The following RGS7 variants were observed in gnomAD, a reference collection of about 807,000 sequenced individuals.
The protein encoded by RGS7 is regulator of G protein signaling 7.
Under a neutral mutation model 81.1 loss-of-function variants are expected in RGS7, and 27 were observed. The observed-to-expected ratio is 0.33, with a 90% CI of 0.25 to 0.46. The LOEUF is 0.46. Ranked by LOEUF, RGS7 falls within the 20% of genes least tolerant of loss-of-function variation. The pLI is 1.00. For missense variants in RGS7, 396 were observed against 607.4 expected (o/e 0.65, Z 3.66); for synonymous variants, 208 against 207.7 (o/e 1.00, Z -0.01).
At position 241,281,351 on chromosome 1, in the gene RGS7, T is replaced by A. The variant is rs146590208; in HGVS notation, c.78+74348A>T. 7.2e-4 allele frequency among the ~76,000 whole-genome samples: 110 copies of A among 152,364 alleles called. 2 individuals are homozygous for A. In the East Asian group the frequency reaches 0.021, roughly 29 times the overall value. ...CTGTTGCTATTGTGGTGAGCTCAAG[T>A]GTTGTGAGTATCCACTTAAAACGCT... On this transcript the variant is annotated intron_variant, in intron 2 of 18. Transcript: ENST00000440928.
At chr1:241,290,311 A>C (rs1047618551) in intron 2 of RGS7, among the ~76,000 whole-genome samples, 8 of 152,240 alleles carry the variant, frequency 5.3e-5, no homozygotes, top group South Asian at 2.1e-4. Flanking sequence ...GAACGTGTGC[A>C]TATTTCCTTC....
At chr1:240,830,397 T>A (rs1693620257) in intron 9 of RGS7, among the ~76,000 whole-genome samples, 1 of 152,190 alleles carries the variant, frequency 6.6e-6, no homozygotes, top group South Asian at 2.1e-4. Flanking sequence ...TGCAAACCTG[T>A]CTATAGCAGA....
At chr1:240,900,322 T>C (rs1205012366) in intron 6 of RGS7, among the ~76,000 whole-genome samples, 2 of 152,214 alleles carry the variant, frequency 1.3e-5, no homozygotes, top group Non-Finnish European at 2.9e-5. Flanking sequence ...TCCAGCTTTG[T>C]TCCGTTGCTG....
At chr1:241,080,822 T>C (rs746545946) in intron 3 of RGS7, among the ~76,000 whole-genome samples, 5 of 152,228 alleles carry the variant, frequency 3.3e-5, no homozygotes, top group Non-Finnish European at 7.3e-5. Context: ...CTTTTATGTC[T>C]GAAAGCTTCC....
intron 2 of RGS7, among the ~76,000 whole-genome samples, chr1:241,232,173 C>T (rs983467570): frequency 1.3e-5 from 2 of 150,100 alleles, no homozygotes; most frequent in African/African-American, 2.5e-5. Flanking sequence ...TAATTCTGTT[C>T]CATTGTTGTA....
At chr1:241,294,161 G>A (rs1372333001) in intron 2 of RGS7, among the ~76,000 whole-genome samples, 1 of 152,118 alleles carries the variant, frequency 6.6e-6, no homozygotes, top group East Asian at 1.9e-4. Context: ...GAAGCTGGAA[G>A]CCATCATTCT....
At chr1:241,337,871 A>G (rs2082334025) in intron 2 of RGS7, among the ~76,000 whole-genome samples, 2 of 152,330 alleles carry the variant, frequency 1.3e-5, no homozygotes, top group African/African-American at 4.8e-5. Flanking sequence ...ATTTATTTGC[A>G]GGGACATTAA....
At chr1:240,855,329 G>A (rs73116042) in intron 9 of RGS7, among the ~76,000 whole-genome samples, 11,167 of 113,460 alleles carry the variant, frequency 0.098, 3,282 homozygotes, top group African/African-American at 0.37. Flanking sequence ...AAAAAAAAAG[G>A]AGAAACAAAG....
chr1:240,865,249 C>T (rs1005962670), intron 9 of RGS7, among the ~76,000 whole-genome samples: 1 of 152,198 alleles, frequency 6.6e-6, no homozygotes, highest in East Asian at 1.9e-4. Context: ...TCCCACTCTG[C>T]CCCAGGTCTC....
At chr1:240,818,787 G>A (rs542620959) in intron 10 of RGS7, among the ~76,000 whole-genome samples, 6 of 152,108 alleles carry the variant, frequency 3.9e-5, no homozygotes, top group Non-Finnish European at 7.4e-5. Context: ...TGGGATAGGG[G>A]GTGAGGAAAA....
rs1671153634 is a variant in RGS7 at position 240,908,204 on chromosome 1, G to C, written c.385+22513C>G. Among the ~76,000 whole-genome samples, 3 of 127,078 alleles carry C rather than the reference G, an allele frequency of 2.4e-5. No individual in the cohort carries two copies. The Admixed American group carries it at 2.5e-4, about 11-fold the overall frequency. The allele number at this position is 127,078 out of a possible 152,430, so 83.4% of individuals were successfully genotyped here. ...CACACACCGGGGCCTGTCGTGGGGT[G>C]GGGGGAGGGGGGAGGGATAGCATTA... On this transcript the variant is annotated intron_variant, in intron 6 of 18. Coordinates refer to ENST00000440928, the MANE Select transcript of RGS7 (RefSeq NM_001364886.1).
Position 241,112,248 on chromosome 1 carries a change from A to G in RGS7, c.79-13486T>C, listed in dbSNP as rs77497323. Among the ~76,000 whole-genome samples, 286 of 152,200 alleles carry G rather than the reference A, an allele frequency of 1.9e-3. 1 individual carries two copies. Among genetic ancestry groups the G allele is most frequent in the African/African-American group, 6.6e-3 (272 of 41,518 alleles). ...TCAAGAAATGTTACTTAAGTAATTTATTTTTATGGTAACATACTTATAAAA... is the reference window on the plus strand; with the variant it reads ...TCAAGAAATGTTACTTAAGTAATTTGTTTTTATGGTAACATACTTATAAAA... On this transcript the variant is annotated intron_variant, in intron 2 of 18. Transcript: ENST00000440928.
intron 9 of RGS7, among the ~76,000 whole-genome samples, chr1:240,853,879 C>T (rs1181036079): frequency 1.1e-4 from 12 of 106,540 alleles, no homozygotes; most frequent in Non-Finnish European, 1.9e-4. Flanking sequence ...CCAGCCTGGG[C>T]GACAGAGCAA....
rs193054257 is a variant in RGS7, at chr1:241,248,932, G to A, written c.78+106767C>T. Among the ~76,000 whole-genome samples, 171 of 152,084 alleles carry A rather than the reference G, an allele frequency of 1.1e-3. 1 individual carries two copies. Among genetic ancestry groups the A allele is most frequent in the Middle Eastern group, 3.4e-3 (1 of 294 alleles). On this transcript the variant is annotated intron_variant, in intron 2 of 18. Coordinates refer to ENST00000440928, the MANE Select transcript of RGS7 (RefSeq NM_001364886.1). Reference sequence around the variant, plus strand: ...TTGTACAGATTATTTTTTCCTCTTCGCTCACTGGATTTCATATTTGTCTGA... The same window carrying A: ...TTGTACAGATTATTTTTTCCTCTTCACTCACTGGATTTCATATTTGTCTGA...
At chr1:241,293,835 T>C (rs542856337) in intron 2 of RGS7, among the ~76,000 whole-genome samples, 7 of 152,056 alleles carry the variant, frequency 4.6e-5, no homozygotes, top group Non-Finnish European at 1.0e-4. Flanking sequence ...ACGTTTACAG[T>C]GTTGGTGGGA....
At chr1:241,138,236 T>C (rs1472765964) in intron 2 of RGS7, among the ~76,000 whole-genome samples, 1 of 148,050 alleles carries the variant, frequency 6.8e-6, no homozygotes, top group Non-Finnish European at 1.5e-5. Context: ...AATCAAGCCC[T>C]AAATTTAATA....
chr1:240,809,392 GTTATT>G (rs1480787923), intron 14 of RGS7, among the ~76,000 whole-genome samples: 22 of 152,178 alleles, frequency 1.4e-4, no homozygotes, highest in African/African-American at 5.1e-4. Context: ...TGCACGGAGA[GTTATT>G]TTATTTTAAG....
chr1:241,356,946 G>C lies in RGS7; in HGVS notation c.-98C>G, dbSNP rs1169832025. 2.0e-5 allele frequency: 3 copies of C among 152,264 alleles called. No homozygotes were observed. Among genetic ancestry groups the C allele is most frequent in the South Asian group, 2.1e-4 (1 of 4,836 alleles). 9.4% of individuals were successfully genotyped at this position (152,264 alleles called of 1,614,324 possible). On this transcript the variant is annotated 5_prime_UTR_variant, in exon 1 of 19. Coordinates refer to ENST00000440928, the MANE Select transcript of RGS7 (RefSeq NM_001364886.1). ...CCGCGGCGTCTCCCCTCCCGGGCGG[G>C]CTGGGTGCAGGCGGTGTCAGCTGGC...
intron 2 of RGS7, among the ~76,000 whole-genome samples, chr1:241,121,710 CTTT>C (rs10681773): frequency 1.5e-5 from 1 of 66,410 alleles, no homozygotes. Context: ...TGCAATTGTT[CTTT>C]TTTTTTTTTT....
Sources: allele counts gnomAD v4.1 joint callset (sites outside exome capture counted in the v4.1 genomes callset), GRCh38; gene constraint gnomAD v4.1.1; transcripts MANE v1.5; gene names NCBI Gene and HGNC (gene_info 2026-07-23, HGNC 2026-07-21).